The following IRX6 variants were observed in gnomAD, a reference collection of about 807,000 sequenced individuals.
The protein encoded by IRX6 is iroquois homeobox 6.
IRX6 carries 46 observed loss-of-function variants against 47.7 expected under a neutral mutation model. The observed-to-expected ratio is 0.96, with a 90% CI of 0.76 to 1.23. The LOEUF (loss-of-function observed/expected upper bound fraction) is 1.23. Ranked by LOEUF, IRX6 falls within the 50% of genes most tolerant of loss-of-function variation. The probability of loss-of-function intolerance (pLI) is 0.00; values close to 1 mark genes in which losing one functional copy is unlikely to be tolerated. For missense variants in IRX6, 722 were observed against 588.0 expected, an observed-to-expected ratio of 1.23 and a Z score of -2.36; for synonymous variants, 265 against 246.2, an observed-to-expected ratio of 1.08 and a Z score of -0.72.
intron 1 of IRX6, 197 bp from the exon 2 acceptor site, chr16:55,326,139 T>TA (rs1960517265): frequency 2.3e-6 from 1 of 441,010 alleles, no homozygotes; most frequent in Admixed American, 4.7e-5. Flanking sequence ...TTTGGTTAAT[T>TA]TATAATTCCC....
chr16:55,326,148 C>T, intron 1 of IRX6, 188 bp from the exon 2 acceptor site: 1 of 574,628 alleles, frequency 1.7e-6, no homozygotes, highest in Non-Finnish European at 3.0e-6. Context: ...TTTATAATTC[C>T]CGTCCCAGCA....
At chr16:55,327,451 C>A (rs1366188656) in intron 3 of IRX6, 46 bp downstream of exon 3, 1 of 1,573,812 alleles carries the variant, frequency 6.4e-7, no homozygotes, top group Non-Finnish European at 8.7e-7. Context: ...AGTCTTTCCT[C>A]CCCCACTGCC....
chr16:55,325,157 G>T (rs1203338511), intron 1 of IRX6, 21 bp downstream of exon 1: 2 of 1,612,816 alleles, frequency 1.2e-6, no homozygotes. Flanking sequence ...CCTCTATGGG[G>T]GATAGGGGAC....
rs2142268646 is a variant in IRX6 at position 55,327,283 on chromosome 16, C to T, written c.304-13C>T. The stretch of plus-strand genomic sequence containing the variant: ...CAACTGTACTCCTGAATTCTCTTTT[C>T]CTCTCCCTCTAGAATCCACAGTATG... On this transcript the variant is annotated splice_polypyrimidine_tract_variant and intron_variant, in intron 2 of 5. Coordinates refer to ENST00000290552, the MANE Select transcript of IRX6 (RefSeq NM_024335.3). 6.3e-7 allele frequency: 1 copy of T among 1,596,670 alleles called. No homozygotes were observed.
Position 55,324,809 on chromosome 16 carries a change from C to T in IRX6, c.-283C>T, listed in dbSNP as rs562839639. On this transcript the variant is annotated 5_prime_UTR_variant, in exon 1 of 6. Coordinates refer to ENST00000290552, the MANE Select transcript of IRX6 (RefSeq NM_024335.3). The surrounding 1 kb of genome is among the most constrained non-coding windows in gnomAD (Gnocchi z 4.4). ...GCCGCGCCGCGCCTCACCTCGCCAC[C>T]ACGCGCCTTTGGGAACCCGCATCTT... The T allele has an allele frequency of 1.7e-4, 86 of 520,744 alleles. No homozygotes were observed. Among genetic ancestry groups the T allele is most frequent in the Non-Finnish European group, 2.6e-4 (76 of 290,186 alleles). 32.3% of individuals were successfully genotyped at this position (520,744 alleles called of 1,614,324 possible). A position where few individuals can be genotyped will look rare whatever the true frequency, so the allele number is the denominator to read the frequency against.
chr16:55,328,713 C>A lies in IRX6; in HGVS notation c.735C>A (p.Ser245Arg). 1 of 1,613,042 alleles carries A rather than the reference C, an allele frequency of 6.2e-7. No individual in the cohort carries two copies. The highest frequency in any genetic ancestry group is 1.1e-5 in the South Asian group (1 of 91,054). The change falls in exon 5 of 6, where the codon AGC becomes AGA. Residue 245 changes from serine to arginine, a missense_variant. By Grantham distance (110) the Ser-to-Arg change is moderately radical. Transcript: ENST00000290552. The stretch of plus-strand genomic sequence containing the variant: ...GATTTCCTGCAGAAGTTACTGCTAG[C>A]CAGGAGGCCCGGGGGCTCCGGCTGA... Reference protein sequence around the residue: ...LTADTKEVTASQEARGLRLSD... With the variant: ...LTADTKEVTARQEARGLRLSD...
At position 55,329,027 on chromosome 16, in the gene IRX6, G is replaced by C. The variant is rs551322558; in HGVS notation, c.1049G>C (p.Arg350Pro). 6.2e-7 allele frequency: 1 copy of C among 1,613,896 alleles called. No homozygotes were observed. Among genetic ancestry groups the C allele is most frequent in the East Asian group, 2.2e-5 (1 of 44,864 alleles). Residue 350 changes from arginine to proline, a missense_variant, in exon 5 of 6, where the codon CGC becomes CCC. Coordinates refer to ENST00000290552, the MANE Select transcript of IRX6 (RefSeq NM_024335.3). Reference protein sequence around the residue: ...TMHYPCLEKPRIWSLAHTATA... With the variant: ...TMHYPCLEKPPIWSLAHTATA... ...CACTACCCATGCTTGGAGAAACCGCGCATCTGGTCTCTGGCGCACACCGCG... is the reference window on the plus strand; with the variant it reads ...CACTACCCATGCTTGGAGAAACCGCCCATCTGGTCTCTGGCGCACACCGCG...
At chr16:55,326,716 CA>C in intron 2 of IRX6, 123 bp downstream of exon 2, 11 of 958,772 alleles carry the variant, frequency 1.1e-5, no homozygotes, top group Non-Finnish European at 1.3e-5. Flanking sequence ...ATAAGGAGGA[CA>C]AAAAAATACA....
Position 55,327,318 on chromosome 16 carries a change from A to C in IRX6, c.326A>C (p.Glu109Ala). ...TAGAATCCACAGTATGAATTTAAGG[A>C]GGCTGCAGGGAGTTTTACATCCAGC... ...GALNPQYEFK[E>A]AAGSFTSSLA... Residue 109 changes from glutamate to alanine, a missense_variant, in exon 3 of 6, where the codon GAG (glutamate) becomes GCG (alanine). Glu to Ala is a moderately radical substitution (Grantham distance 107, BLOSUM62 -1). Coordinates refer to ENST00000290552, the MANE Select transcript of IRX6 (RefSeq NM_024335.3). The C allele has an allele frequency of 1.2e-6, 2 of 1,613,742 alleles. No individual in the cohort carries two copies. Among genetic ancestry groups the C allele is most frequent in the Non-Finnish European group, 1.7e-6 (2 of 1,179,708 alleles).
At chr16:55,325,533 G>GGAAGGAAGGAA (rs1567338530) in intron 1 of IRX6, among the ~76,000 whole-genome samples, 140 of 6,506 alleles carry the variant, frequency 0.022, 37 homozygotes, top group African/African-American at 0.077. Flanking sequence ...GAAGGAAGGA[G>GGAAGGAAGGAA]AGAGAGAGAG....
chr16:55,327,265 A>T (rs1288405133), intron 2 of IRX6, 31 bp from the exon 3 acceptor site: 2 of 1,519,258 alleles, frequency 1.3e-6, no homozygotes, highest in Non-Finnish European at 1.8e-6. Flanking sequence ...CCCCAACTGT[A>T]CTCCTGAATT....
intron 1 of IRX6, 137 bp downstream of exon 1, chr16:55,325,273 A>G: frequency 3.9e-6 from 3 of 765,454 alleles, no homozygotes; most frequent in Non-Finnish European, 6.5e-6. Context: ...AATGTGTCAC[A>G]GCCTCCTCTG....
In IRX6 at chr16:55,327,588, A is replaced by G; in HGVS notation, c.416A>G (p.Tyr139Cys). The G allele has an allele frequency of 6.3e-7, 1 of 1,598,716 alleles. No homozygotes were observed. The highest frequency in any genetic ancestry group is 8.5e-7 in the Non-Finnish European group (1 of 1,172,802). Reference protein sequence around the residue: ...RTLGQYQYERYGAVELSGAGR... With the variant: ...RTLGQYQYERCGAVELSGAGR... ...GTGAGCCAGGTTCTCCCCCACAGGT[A>G]TGGCGCAGTGGAATTGAGTGGCGCC... Residue 139 changes from tyrosine to cysteine, a missense_variant and splice_region_variant, in exon 4 of 6, where the codon TAT (tyrosine) becomes TGT (cysteine). Coordinates refer to ENST00000290552, the MANE Select transcript of IRX6 (RefSeq NM_024335.3).
Position 55,326,448 on chromosome 16 carries a change from A to G in IRX6, c.158A>G (p.Asp53Gly), listed in dbSNP as rs919116575. The G allele has an allele frequency of 6.2e-7, 1 of 1,613,864 alleles. No homozygotes were observed. The change falls in exon 2 of 6, where the codon GAT becomes GGT. Residue 53 changes from aspartate to glycine, a missense_variant. Physicochemically the swap from Asp to Gly is moderately conservative, Grantham distance 94. Transcript: ENST00000290552. Reference protein sequence around the residue: ...PAPALCCAPYDSRLLGSARPE... With the variant: ...PAPALCCAPYGSRLLGSARPE... The stretch of plus-strand genomic sequence containing the variant: ...CCCGCTCTCTGCTGCGCACCCTACG[A>G]TAGTCGACTGCTGGGCAGTGCGCGA...
chr16:55,326,371 C>G lies in IRX6; in HGVS notation c.81C>G (p.Cys27Trp). The change falls in exon 2 of 6, where the codon TGC (cysteine) becomes TGG (tryptophan). Residue 27 changes from cysteine to tryptophan, a missense_variant. Cys to Trp is a radical substitution (Grantham distance 215, BLOSUM62 -2). Coordinates refer to ENST00000290552, the MANE Select transcript of IRX6 (RefSeq NM_024335.3). ...LASASSSTTC[C>W]ESTQRSVSDV... ...CGGCAAGTTCCAGCACCACATGCTG[C>G]GAATCTACCCAACGCTCTGTCTCAG... 1 of 1,613,912 alleles carries G rather than the reference C, an allele frequency of 6.2e-7. No homozygotes were observed. Among genetic ancestry groups the G allele is most frequent in the Non-Finnish European group, 8.5e-7 (1 of 1,179,954 alleles).
At position 55,328,798 on chromosome 16, in the gene IRX6, G is replaced by T. The variant is rs764874460; in HGVS notation, c.820G>T (p.Val274Leu). The T allele has an allele frequency of 1.2e-6, 2 of 1,613,288 alleles. No individual in the cohort carries two copies. Among genetic ancestry groups the T allele is most frequent in the Non-Finnish European group, 1.7e-6 (2 of 1,180,040 alleles). The change falls in exon 5 of 6, where the codon GTA (valine) becomes TTA (leucine). Residue 274 changes from valine (V) to leucine (L), a missense_variant. Coordinates refer to ENST00000290552, the MANE Select transcript of IRX6 (RefSeq NM_024335.3). Reference protein sequence around the residue: ...EEEEEAEDEEVVATAGDRLTE... With the variant: ...EEEEEAEDEELVATAGDRLTE... ...GGAGGAGGAAGCTGAAGACGAGGAG[G>T]TAGTGGCCACAGCTGGGGACAGGCT...
chr16:55,326,605 G>A lies in IRX6; in HGVS notation c.303+12G>A, dbSNP rs1960532860. The A allele has an allele frequency of 1.3e-6, 2 of 1,507,126 alleles. No individual in the cohort carries two copies. Among genetic ancestry groups the A allele is most frequent in the Non-Finnish European group, 1.8e-6 (2 of 1,122,810 alleles). The allele number at this position is 1,507,126 out of a possible 1,614,324, so 93.4% of individuals were successfully genotyped here. A position where few individuals can be genotyped will look rare whatever the true frequency, so the allele number is the denominator to read the frequency against. On this transcript the variant is annotated intron_variant, in intron 2 of 5. Transcript: ENST00000290552. The stretch of plus-strand genomic sequence containing the variant: ...TGTATGGGGCACTGGTGAGTACAGG[G>A]GTGGAGTCCCAGGGGAGTGAGCAGT...
intron 4 of IRX6, among the ~76,000 whole-genome samples, chr16:55,328,457 A>T (rs1960575889): frequency 6.8e-6 from 1 of 146,770 alleles, no homozygotes; most frequent in Non-Finnish European, 1.5e-5. Flanking sequence ...TTGGCTTGGC[A>T]CTGCTCGCTA....
chr16:55,327,250 C>T (rs752266587), intron 2 of IRX6, 46 bp from the exon 3 acceptor site: 10 of 1,383,934 alleles, frequency 7.2e-6, no homozygotes, highest in Non-Finnish European at 1.0e-5. Flanking sequence ...CCCCATGTGC[C>T]CCCTCCCCAA....
Sources: gnomAD v4.1 joint callset for allele counts (sites outside exome capture counted in the v4.1 genomes callset) on GRCh38, gnomAD v4.1.1 for gene constraint, Gnocchi (gnomAD v3.1) non-coding constraint, MANE v1.5 for transcripts, NCBI Gene and HGNC (gene_info 2026-07-23, HGNC 2026-07-21) for gene names.